Variants in CRYL1 observed in about 807,000 individuals in gnomAD.
CRYL1 encodes the protein crystallin lambda 1, also known as lambda-crystallin homolog.
In CRYL1, 29 loss-of-function variants were observed where a neutral mutation model predicts 36.6. The ratio of observed to expected loss-of-function variants is 0.79; its 90% CI spans 0.59 to 1.08. CRYL1 has a LOEUF of 1.08. Among genes scored for constraint, CRYL1 ranks in the 50% least tolerant of loss-of-function variants. CRYL1 has a pLI of 0.00. For missense variants in CRYL1, 411 were observed against 407.9 expected (o/e 1.01, Z -0.06); for synonymous variants, 152 against 151.5 (o/e 1.00, Z -0.02).
At chr13:20,411,648 A>C (rs550192864) in intron 6 of CRYL1, among the ~76,000 whole-genome samples, 1 of 152,364 alleles carries the variant, frequency 6.6e-6, no homozygotes, top group South Asian at 2.1e-4. Flanking sequence ...GGTTGAAAAC[A>C]CCATTTGAAA....
intron 3 of CRYL1, 31 bp from the exon 4 acceptor site, chr13:20,439,785 T>A (rs188705213): frequency 6.2e-7 from 1 of 1,603,928 alleles, no homozygotes; most frequent in East Asian, 2.2e-5. Flanking sequence ...TGACTATTCA[T>A]GACCACTCGA....
chr13:20,455,080 G>A (rs972057341), intron 3 of CRYL1, among the ~76,000 whole-genome samples: 6 of 152,160 alleles, frequency 3.9e-5, no homozygotes, highest in African/African-American at 7.2e-5. Context: ...GGACTAGTGA[G>A]CTCAGCAAGA....
At chr13:20,504,903 C>T (rs1398907920) in intron 2 of CRYL1, among the ~76,000 whole-genome samples, 1 of 151,998 alleles carries the variant, frequency 6.6e-6, no homozygotes, top group Non-Finnish European at 1.5e-5. Context: ...AATCAACTTC[C>T]CCCCGTTTAA....
At chr13:20,464,826 T>G (rs546256148) in intron 3 of CRYL1, among the ~76,000 whole-genome samples, 1 of 152,352 alleles carries the variant, frequency 6.6e-6, no homozygotes, top group African/African-American at 2.4e-5. Flanking sequence ...TAGATTCCAT[T>G]TGGTGTCAGA....
intron 4 of CRYL1, among the ~76,000 whole-genome samples, chr13:20,437,747 G>T (rs1482919904): frequency 6.6e-6 from 1 of 152,278 alleles, no homozygotes; most frequent in East Asian, 1.9e-4. Context: ...AGTGACTCAG[G>T]TGTCCTCTCA....
At chr13:20,417,449 T>C (rs1016578106) in intron 5 of CRYL1, among the ~76,000 whole-genome samples, 1 of 152,204 alleles carries the variant, frequency 6.6e-6, no homozygotes, top group African/African-American at 2.4e-5. Context: ...CCAGCCCTTC[T>C]GTGGTTCTGT....
intron 3 of CRYL1, among the ~76,000 whole-genome samples, chr13:20,442,653 C>T (rs534393338): frequency 1.5e-4 from 23 of 152,266 alleles, no homozygotes; most frequent in Admixed American, 5.9e-4. Flanking sequence ...CTTTCAGGGG[C>T]CCTTTCTAGA....
chr13:20,511,609 A>G (rs1250855238), intron 2 of CRYL1, among the ~76,000 whole-genome samples: 1 of 152,214 alleles, frequency 6.6e-6, no homozygotes, highest in African/African-American at 2.4e-5. Context: ...TTGTTGCACA[A>G]AAATGCAAAT....
At chr13:20,514,128 C>A (rs534778704) in intron 1 of CRYL1, among the ~76,000 whole-genome samples, 1 of 152,266 alleles carries the variant, frequency 6.6e-6, no homozygotes, top group South Asian at 2.1e-4. Context: ...GTAGTTACTC[C>A]CCCTTAGGCA....
intron 6 of CRYL1, among the ~76,000 whole-genome samples, chr13:20,405,141 G>T (rs1007227312): frequency 2.8e-4 from 43 of 152,140 alleles, no homozygotes; most frequent in Admixed American, 2.6e-3. Flanking sequence ...TGGCGTGGCA[G>T]GTGCCTGTAA....
chr13:20,501,560 C>CT (rs1262610436), intron 2 of CRYL1, among the ~76,000 whole-genome samples: 1 of 152,174 alleles, frequency 6.6e-6, no homozygotes, highest in African/African-American at 2.4e-5. Flanking sequence ...CCACCTATTC[C>CT]TGAAGGTCTG....
Position 20,512,537 on chromosome 13 carries a change from G to A in CRYL1, c.55C>T (p.Arg19Ter), listed in dbSNP as rs200295298. The stretch of plus-strand genomic sequence containing the variant: ...CTGGCAAACAGCATGGCCCAGCTTC[G>A]CCCAATGACTCCACTGAAGGGAGAT... ...VVIVGSGVIG[R>*]SWAMLFASGG... Residue 19 changes from arginine (R) to a stop codon, truncating the protein, a stop_gained, in exon 2 of 8, where the codon CGA becomes TGA. Transcript: ENST00000298248. LOFTEE classifies it high-confidence loss of function. 1.8e-4 allele frequency: 284 copies of A among 1,613,118 alleles called. No homozygotes were observed. Among genetic ancestry groups the A allele is most frequent in the Non-Finnish European group, 2.3e-4 (275 of 1,179,352 alleles).
At chr13:20,483,498 C>T (rs949333676) in intron 3 of CRYL1, among the ~76,000 whole-genome samples, 5 of 152,098 alleles carry the variant, frequency 3.3e-5, no homozygotes, top group African/African-American at 9.7e-5. Flanking sequence ...CGTACCACAT[C>T]ATCATTCTAA....
At chr13:20,444,233 A>C (rs2032407282) in intron 3 of CRYL1, among the ~76,000 whole-genome samples, 1 of 152,232 alleles carries the variant, frequency 6.6e-6, no homozygotes, top group Non-Finnish European at 1.5e-5. Context: ...CTATGCTCTA[A>C]CCAGGAGCTT....
intron 3 of CRYL1, among the ~76,000 whole-genome samples, chr13:20,456,615 C>A (rs1000187548): frequency 9.9e-5 from 4 of 40,220 alleles, no homozygotes; most frequent in African/African-American, 4.1e-4. Context: ...AACACACACA[C>A]ACACACACAC....
At chr13:20,517,017 T>C (rs1010360608) in intron 1 of CRYL1, among the ~76,000 whole-genome samples, 8 of 151,964 alleles carry the variant, frequency 5.3e-5, no homozygotes, top group African/African-American at 1.9e-4. Context: ...AAGGATGCAG[T>C]ATGCAGTGAG....
intron 1 of CRYL1, among the ~76,000 whole-genome samples, chr13:20,516,170 G>A (rs1436905451): frequency 4.7e-5 from 3 of 63,828 alleles, no homozygotes; most frequent in African/African-American, 1.8e-4. Flanking sequence ...CAGCCTGGGC[G>A]AAAGAGCAAA....
In CRYL1 at chr13:20,525,615, G is replaced by A. The variant is rs2034176867; in HGVS notation, c.41+139C>T. 7.4e-6 allele frequency: 5 copies of A among 678,444 alleles called. No homozygotes were observed. Among genetic ancestry groups the A allele is most frequent in the South Asian group, 6.1e-5 (1 of 16,492 alleles). 42.0% of individuals were successfully genotyped at this position (678,444 alleles called of 1,614,324 possible). A position where few individuals can be genotyped will look rare whatever the true frequency, so the allele number is the denominator to read the frequency against. On this transcript the variant is annotated intron_variant, in intron 1 of 7. Coordinates refer to ENST00000298248, the MANE Select transcript of CRYL1 (RefSeq NM_015974.3). The surrounding 1 kb of genome is among the most constrained non-coding windows in gnomAD (Gnocchi z 4.3). ...GCCCGCCAGCGCCGTAGGGGCCGCA[G>A]GGCGCAGGGCTTCGGAGGACCGGAG...
At chr13:20,460,244 T>C (rs2137429825) in intron 3 of CRYL1, among the ~76,000 whole-genome samples, 1 of 152,300 alleles carries the variant, frequency 6.6e-6, no homozygotes. Context: ...CCACATTACA[T>C]ATATATGTAT....
Sources: gnomAD v4.1 joint callset for allele counts (sites outside exome capture counted in the v4.1 genomes callset) on GRCh38, gnomAD v4.1.1 for gene constraint, Gnocchi (gnomAD v3.1) non-coding constraint, MANE v1.5 for transcripts, NCBI Gene and HGNC (gene_info 2026-07-23, HGNC 2026-07-21) for gene names.